The following ZEB1 variants were observed in gnomAD, a reference collection of about 807,000 sequenced individuals.
ZEB1 encodes the protein zinc finger E-box binding homeobox 1.
ZEB1 carries 21 observed loss-of-function variants against 84.9 expected under a neutral mutation model. The observed-to-expected ratio is 0.25, with a 90% CI of 0.18 to 0.36. ZEB1 has a LOEUF of 0.36. Ranked by LOEUF, ZEB1 falls within the 10% of genes least tolerant of loss-of-function variation. The probability of loss-of-function intolerance (pLI) is 1.00; values close to 1 mark genes in which losing one functional copy is unlikely to be tolerated. For missense variants in ZEB1, 1,104 were observed against 1,330.2 expected (o/e 0.83, Z 2.65); for synonymous variants, 420 against 471.1 (o/e 0.89, Z 1.41).
chr10:31,442,248 G>A (rs1446288446), intron 1 of ZEB1, among the ~76,000 whole-genome samples: 4 of 152,168 alleles, frequency 2.6e-5, no homozygotes, highest in African/African-American at 9.7e-5. Context: ...ATGAGTTCAT[G>A]TCCTTTGTAG....
At chr10:31,416,848 G>A (rs569056910) in intron 1 of ZEB1, among the ~76,000 whole-genome samples, 4 of 152,208 alleles carry the variant, frequency 2.6e-5, no homozygotes, top group African/African-American at 9.6e-5. Context: ...GTTTTTATTG[G>A]TAGCATTGCT....
chr10:31,525,233 GA>G (rs769151045), intron 8 of ZEB1, among the ~76,000 whole-genome samples: 6 of 152,150 alleles, frequency 3.9e-5, no homozygotes, highest in Non-Finnish European at 7.3e-5. Context: ...AGCTACTACA[GA>G]GACCATTTGG....
intron 2 of ZEB1, among the ~76,000 whole-genome samples, chr10:31,471,821 C>T (rs1298929429): frequency 1.4e-5 from 2 of 145,268 alleles, no homozygotes; most frequent in Non-Finnish European, 3.0e-5. Flanking sequence ...GTAAAGCTCT[C>T]CTCAGCAAAT....
intron 2 of ZEB1, among the ~76,000 whole-genome samples, chr10:31,482,942 T>C (rs1186258464): frequency 6.6e-6 from 1 of 152,030 alleles, no homozygotes; most frequent in Non-Finnish European, 1.5e-5. Flanking sequence ...AAGGAAAGTT[T>C]TTTGTACTTT....
At chr10:31,362,987 G>T in intron 1 of ZEB1, 2 of 1,534,098 alleles carry the variant, frequency 1.3e-6, no homozygotes, top group Admixed American at 2.0e-5. Context: ...AGACATGGAA[G>T]CTTTGCCGGT....
Position 31,529,041 on chromosome 10 carries a change from G to A in ZEB1, c.*1777G>A. On this transcript the variant is annotated 3_prime_UTR_variant, in exon 9 of 9. Transcript: ENST00000424869. ...ATTAGGATTAACTTCTATAAACAGT[G>A]TTGGGAACAATGTTTAACATTTTGT... 1 of 152,164 alleles carries A rather than the reference G, an allele frequency of 6.6e-6. No individual in the cohort carries two copies. Among genetic ancestry groups the A allele is most frequent in the East Asian group, 1.9e-4 (1 of 5,202 alleles). The allele number at this position is 152,164 out of a possible 1,614,324, so 9.4% of individuals were successfully genotyped here. A position where few individuals can be genotyped will look rare whatever the true frequency, so the allele number is the denominator to read the frequency against.
chr10:31,359,269 A>G (rs1230838212), intron 1 of ZEB1, among the ~76,000 whole-genome samples: 1 of 152,118 alleles, frequency 6.6e-6, no homozygotes, highest in East Asian at 1.9e-4. Context: ...CCCTATGTTA[A>G]TTTAAAATGC....
chr10:31,460,458 G>T (rs184593320), intron 1 of ZEB1, among the ~76,000 whole-genome samples: 9 of 152,076 alleles, frequency 5.9e-5, no homozygotes, highest in Non-Finnish European at 1.2e-4. Flanking sequence ...TGGTAAACTT[G>T]ATGATGTAAT....
At chr10:31,468,703 G>A (rs2062759058) in intron 2 of ZEB1, among the ~76,000 whole-genome samples, 1 of 152,082 alleles carries the variant, frequency 6.6e-6, no homozygotes, top group Admixed American at 6.6e-5. Context: ...CCCCCTAAAA[G>A]CACGTAGAAG....
At chr10:31,351,103 T>TAG (rs1441876575) in intron 1 of ZEB1, among the ~76,000 whole-genome samples, 1 of 152,196 alleles carries the variant, frequency 6.6e-6, no homozygotes. Flanking sequence ...GACTTGGGCA[T>TAG]AGTTTCAACC....
chr10:31,381,370 C>T (rs887019366), intron 1 of ZEB1, among the ~76,000 whole-genome samples: 23 of 151,962 alleles, frequency 1.5e-4, no homozygotes, highest in African/African-American at 4.8e-4. Context: ...TTGCAACAAA[C>T]GATGTAATAT....
chr10:31,454,966 G>A (rs1307680760), intron 1 of ZEB1, among the ~76,000 whole-genome samples: 1 of 152,112 alleles, frequency 6.6e-6, no homozygotes, highest in Non-Finnish European at 1.5e-5. Flanking sequence ...ACAATCCTGG[G>A]CAAGAAGAAC....
In ZEB1 at chr10:31,526,602, C is replaced by T. The variant is rs1417079167; in HGVS notation, c.2786-70C>T. 3 of 1,570,516 alleles carry T rather than the reference C, an allele frequency of 1.9e-6. No individual in the cohort carries two copies. The African/African-American group carries it at 4.1e-5, about 21-fold the overall frequency. On this transcript the variant is annotated intron_variant, in intron 8 of 8. Transcript: ENST00000424869. ...CTCCCCTTTCTACAACATGAAGTACCCCAAAAACCGTATAAGGATTTTATT... is the reference window on the plus strand; with the variant it reads ...CTCCCCTTTCTACAACATGAAGTACTCCAAAAACCGTATAAGGATTTTATT...
At chr10:31,463,836 T>A (rs2062075686) in intron 2 of ZEB1, among the ~76,000 whole-genome samples, 1 of 152,184 alleles carries the variant, frequency 6.6e-6, no homozygotes, top group Non-Finnish European at 1.5e-5. Flanking sequence ...AAATATACCT[T>A]CATCCTAGTA....
intron 1 of ZEB1, among the ~76,000 whole-genome samples, chr10:31,452,748 A>T (rs61846182): frequency 0.058 from 5,386 of 93,448 alleles, 171 homozygotes; most frequent in African/African-American, 0.14. Flanking sequence ...TGTGTGAGAG[A>T]GAGAGAGAGA....
intron 1 of ZEB1, among the ~76,000 whole-genome samples, chr10:31,449,801 C>T (rs1234726791): frequency 6.6e-6 from 1 of 152,048 alleles, no homozygotes; most frequent in Non-Finnish European, 1.5e-5. Context: ...TGTTTGTTTT[C>T]TCAGATAATA....
At chr10:31,482,071 A>T (rs927437373) in intron 2 of ZEB1, among the ~76,000 whole-genome samples, 6 of 152,072 alleles carry the variant, frequency 3.9e-5, no homozygotes, top group African/African-American at 1.4e-4. Context: ...GCTAAGAGAA[A>T]CATCACAACT....
chr10:31,419,121 T>C (rs1444548661), intron 1 of ZEB1, among the ~76,000 whole-genome samples: 2 of 152,150 alleles, frequency 1.3e-5, no homozygotes, highest in African/African-American at 2.4e-5. Flanking sequence ...AGTAATCCTG[T>C]AACTATAAGC....
intron 1 of ZEB1, among the ~76,000 whole-genome samples, chr10:31,355,693 G>C (rs932950092): frequency 1.3e-5 from 2 of 152,116 alleles, no homozygotes; most frequent in African/African-American, 2.4e-5. Flanking sequence ...AACATTGCAG[G>C]CAACAGAAAT....
Sources: allele counts gnomAD v4.1 joint callset (sites outside exome capture counted in the v4.1 genomes callset), GRCh38; gene constraint gnomAD v4.1.1; transcripts MANE v1.5; gene names NCBI Gene and HGNC (gene_info 2026-07-23, HGNC 2026-07-21).